The following LDB2 variants were observed in gnomAD, a reference collection of about 807,000 sequenced individuals.
LDB2 encodes the protein LIM domain-binding protein 2.
Under a neutral mutation model 44.3 loss-of-function variants are expected in LDB2, and 12 were observed. The observed-to-expected ratio is 0.27, with a 90% CI of 0.17 to 0.44. The LOEUF (loss-of-function observed/expected upper bound fraction) is 0.44, where lower values mean the gene tolerates loss of function less well. LDB2 is among the 20% of genes least tolerant of loss of function. LDB2 has a pLI of 1.00. For missense variants in LDB2, 344 were observed against 473.5 expected, an observed-to-expected ratio of 0.73 and a Z score of 2.54; for synonymous variants, 164 against 174.8, an observed-to-expected ratio of 0.94 and a Z score of 0.49.
At chr4:16,601,857 G>C (rs879283679) in intron 2 of LDB2, among the ~76,000 whole-genome samples, 3 of 152,028 alleles carry the variant, frequency 2.0e-5, no homozygotes, top group Non-Finnish European at 4.4e-5. Flanking sequence ...CTAGGAGTGA[G>C]ATAAACAAGA....
intron 5 of LDB2, among the ~76,000 whole-genome samples, chr4:16,566,295 T>G (rs928369621): frequency 5.3e-5 from 8 of 152,078 alleles, no homozygotes; most frequent in Admixed American, 1.3e-4. Flanking sequence ...GAAATAATAA[T>G]TTAGCAAGTG....
chr4:16,737,648 G>A (rs893661670), intron 2 of LDB2, among the ~76,000 whole-genome samples: 1 of 152,116 alleles, frequency 6.6e-6, no homozygotes, highest in Admixed American at 6.5e-5. Flanking sequence ...ATGACAAAAA[G>A]GTGGTTGTTA....
chr4:16,596,278 A>C (rs895789102), intron 2 of LDB2, among the ~76,000 whole-genome samples: 4 of 152,202 alleles, frequency 2.6e-5, no homozygotes, highest in Admixed American at 1.3e-4. Flanking sequence ...CCAGTTACCC[A>C]GTCATGTTTT....
intron 2 of LDB2, among the ~76,000 whole-genome samples, chr4:16,644,429 CTTTT>C (rs1182465425): frequency 7.2e-6 from 1 of 139,100 alleles, no homozygotes; most frequent in African/African-American, 2.6e-5. Context: ...ATTTTTTTTT[CTTTT>C]TTTTTTTTTT....
intron 5 of LDB2, among the ~76,000 whole-genome samples, chr4:16,519,705 A>G (rs1399492040): frequency 6.6e-6 from 1 of 150,922 alleles, no homozygotes; most frequent in Non-Finnish European, 1.5e-5. Flanking sequence ...TTATCTAGCT[A>G]TGTGTTCTTG....
intron 5 of LDB2, among the ~76,000 whole-genome samples, chr4:16,552,552 T>C (rs1349470164): frequency 2.0e-5 from 3 of 152,154 alleles, no homozygotes; most frequent in Non-Finnish European, 4.4e-5. Flanking sequence ...AGTTCTAAAA[T>C]GACGCTTATT....
chr4:16,693,896 G>A (rs887450132), intron 2 of LDB2, among the ~76,000 whole-genome samples: 1 of 152,184 alleles, frequency 6.6e-6, no homozygotes, highest in African/African-American at 2.4e-5. Flanking sequence ...CTCCCTCTCA[G>A]CGAAGGAAAG....
intron 2 of LDB2, among the ~76,000 whole-genome samples, chr4:16,615,244 T>C (rs1221960481): frequency 1.3e-5 from 2 of 152,172 alleles, no homozygotes; most frequent in African/African-American, 4.8e-5. Flanking sequence ...CCCAGCCATC[T>C]CATTACTGGA....
At chr4:16,509,365 A>G (rs977302011) in intron 6 of LDB2, among the ~76,000 whole-genome samples, 1 of 152,198 alleles carries the variant, frequency 6.6e-6, no homozygotes. Context: ...GTCTGAGTAC[A>G]TGGTATAGCC....
At chr4:16,574,431 C>T (rs1180943730) in intron 5 of LDB2, among the ~76,000 whole-genome samples, 1 of 152,200 alleles carries the variant, frequency 6.6e-6, no homozygotes, top group Non-Finnish European at 1.5e-5. Context: ...CAATCAGTCA[C>T]TCCTTCTCTT....
At chr4:16,836,295 C>T (rs961444449) in intron 1 of LDB2, among the ~76,000 whole-genome samples, 2 of 152,178 alleles carry the variant, frequency 1.3e-5, no homozygotes, top group African/African-American at 4.8e-5. Flanking sequence ...TCTAGAACTT[C>T]ATCTGCACTG....
chr4:16,809,737 C>CAAAG (rs1779448267), intron 1 of LDB2, among the ~76,000 whole-genome samples: 1 of 147,310 alleles, frequency 6.8e-6, no homozygotes, highest in Non-Finnish European at 1.5e-5. Flanking sequence ...ACAAAACAAA[C>CAAAG]AAACAAAAAA....
intron 1 of LDB2, among the ~76,000 whole-genome samples, chr4:16,761,921 T>A (rs1768009925): frequency 6.6e-6 from 1 of 152,066 alleles, no homozygotes; most frequent in Non-Finnish European, 1.5e-5. Context: ...GGTGGATAGA[T>A]CACCTGAGGG....
intron 1 of LDB2, among the ~76,000 whole-genome samples, chr4:16,775,295 G>A (rs1286891649): frequency 6.6e-6 from 1 of 152,194 alleles, no homozygotes; most frequent in Non-Finnish European, 1.5e-5. Context: ...CAGAGTTGCT[G>A]TGGATATTAA....
chr4:16,877,388 T>C (rs1342556488), intron 1 of LDB2, among the ~76,000 whole-genome samples: 1 of 152,244 alleles, frequency 6.6e-6, no homozygotes, highest in Non-Finnish European at 1.5e-5. Context: ...TTTAAAATTC[T>C]CTGATTATTG....
At chr4:16,893,201 C>T (rs1723918947) in intron 1 of LDB2, 2 of 242,810 alleles carry the variant, frequency 8.2e-6, no homozygotes, top group Non-Finnish European at 1.3e-5. Context: ...CCAGCCCCCT[C>T]CCCCACCTCA....
chr4:16,706,164 T>A (rs1040919248), intron 2 of LDB2, among the ~76,000 whole-genome samples: 1 of 152,212 alleles, frequency 6.6e-6, no homozygotes, highest in African/African-American at 2.4e-5. Context: ...AGCCCCATGT[T>A]AAGTCCTTGA....
At chr4:16,545,624 C>A (rs1203793389) in intron 5 of LDB2, among the ~76,000 whole-genome samples, 3 of 152,122 alleles carry the variant, frequency 2.0e-5, no homozygotes, top group Non-Finnish European at 4.4e-5. Flanking sequence ...ATTTTTGATA[C>A]CCTCATGGGG....
chr4:16,690,694 A>G (rs1750551671), intron 2 of LDB2, among the ~76,000 whole-genome samples: 1 of 152,142 alleles, frequency 6.6e-6, no homozygotes, highest in South Asian at 2.1e-4. Context: ...GGCTCAACAG[A>G]GCAAACAAAA....
Sources: allele counts gnomAD v4.1 joint callset (sites outside exome capture counted in the v4.1 genomes callset), GRCh38; gene constraint gnomAD v4.1.1; transcripts MANE v1.5; gene names NCBI Gene and HGNC (gene_info 2026-07-23, HGNC 2026-07-21).